The following NT5DC3 variants were observed in gnomAD, a reference collection of about 807,000 sequenced individuals.
NT5DC3 encodes the protein 5'-nucleotidase domain containing 3.
A neutral mutation model predicts 67.8 loss-of-function variants in NT5DC3; 42 were observed. That is an observed-to-expected ratio of 0.62 (90% CI 0.48 to 0.80). The LOEUF (loss-of-function observed/expected upper bound fraction) is 0.80. Ranked by LOEUF, NT5DC3 falls within the 30% of genes least tolerant of loss-of-function variation. The probability of loss-of-function intolerance (pLI) is 0.00; values close to 1 mark genes in which losing one functional copy is unlikely to be tolerated. For synonymous variants in NT5DC3, 237 were observed against 255.6 expected, an observed-to-expected ratio of 0.93 and a Z score of 0.69; for missense variants, 570 against 696.4, an observed-to-expected ratio of 0.82 and a Z score of 2.04.
intron 1 of NT5DC3, among the ~76,000 whole-genome samples, chr12:103,840,703 T>C (rs961420444): frequency 1.3e-5 from 2 of 151,888 alleles, no homozygotes; most frequent in African/African-American, 2.4e-5. Context: ...CAAGAATATA[T>C]ACAACAGCTT....
At chr12:103,750,446 A>G in the NT5DC3 span, 20 of 1,101,204 alleles carry the variant, frequency 1.8e-5, no homozygotes, top group Non-Finnish European at 2.6e-5. Flanking sequence ...AGTTATTCCC[A>G]CTGGACAGGA....
intron 4 of NT5DC3, among the ~76,000 whole-genome samples, chr12:103,800,812 C>T (rs575128959): frequency 3.3e-5 from 5 of 152,350 alleles, no homozygotes; most frequent in Non-Finnish European, 7.3e-5. Context: ...CCAATTCCCG[C>T]TCCCTTCATC....
At chr12:103,832,017 T>A (rs1313393937) in intron 1 of NT5DC3, among the ~76,000 whole-genome samples, 1 of 151,984 alleles carries the variant, frequency 6.6e-6, no homozygotes, top group African/African-American at 2.4e-5. Flanking sequence ...CCCCAAGTGA[T>A]CTGCCCACCT....
At chr12:103,829,944 C>T (rs1313700206) in intron 1 of NT5DC3, among the ~76,000 whole-genome samples, 5 of 151,684 alleles carry the variant, frequency 3.3e-5, no homozygotes, top group South Asian at 4.1e-4. Flanking sequence ...ATATACAATT[C>T]TAAATTGACA....
intron 1 of NT5DC3, among the ~76,000 whole-genome samples, chr12:103,828,959 C>A (rs548255089): frequency 5.7e-4 from 87 of 152,248 alleles, no homozygotes; most frequent in African/African-American, 2.1e-3. Flanking sequence ...TTGGCCTTCC[C>A]AAGTGCTGGG....
the NT5DC3 span, chr12:103,749,238 C>A: frequency 7.1e-7 from 1 of 1,403,150 alleles, no homozygotes; most frequent in Non-Finnish European, 9.6e-7. Flanking sequence ...CCATACTCTG[C>A]TTATCTCCTG....
chr12:103,788,768 A>G (rs1885905658), intron 10 of NT5DC3, 70 bp downstream of exon 10: 1 of 967,410 alleles, frequency 1.0e-6, no homozygotes, highest in African/African-American at 1.6e-5. Context: ...GCCACAATGA[A>G]CATCAGCTAT....
At chr12:103,837,488 T>G (rs2139493198) in intron 1 of NT5DC3, among the ~76,000 whole-genome samples, 1 of 152,372 alleles carries the variant, frequency 6.6e-6, no homozygotes, top group African/African-American at 2.4e-5. Context: ...TTTTCGGAGC[T>G]TTTATGCTCT....
intron 6 of NT5DC3, among the ~76,000 whole-genome samples, chr12:103,795,602 C>G (rs1201158386): frequency 6.6e-6 from 1 of 152,116 alleles, no homozygotes; most frequent in East Asian, 1.9e-4. Context: ...GCTGCCAAAA[C>G]TTACATTTAC....
the NT5DC3 span, among the ~76,000 whole-genome samples, chr12:103,747,569 TA>T: frequency 0.57 from 87,168 of 151,948 alleles, 25,344 homozygotes; most frequent in East Asian, 0.74. Context: ...TAGGAATTGT[TA>T]AAAATCACAT....
At chr12:103,749,108 C>T in the NT5DC3 span, 1 of 1,612,000 alleles carries the variant, frequency 6.2e-7, no homozygotes. Context: ...GTGCAGACGG[C>T]CTTAACGGAG....
At chr12:103,809,363 C>T (rs748435202) in intron 2 of NT5DC3, among the ~76,000 whole-genome samples, 6 of 152,336 alleles carry the variant, frequency 3.9e-5, no homozygotes, top group Middle Eastern at 3.4e-3. Context: ...ACTCACATTC[C>T]GCTTGCCTCT....
chr12:103,812,946 T>C (rs74601248), intron 2 of NT5DC3, among the ~76,000 whole-genome samples: 2 of 152,318 alleles, frequency 1.3e-5, no homozygotes, highest in East Asian at 3.9e-4. Context: ...CTACGCCCAT[T>C]TTACAGGGGA....
chr12:103,769,599 G>A (rs1187206520), downstream of NT5DC3, among the ~76,000 whole-genome samples: 1 of 152,218 alleles, frequency 6.6e-6, no homozygotes, highest in African/African-American at 2.4e-5. Flanking sequence ...CCCTCTCATG[G>A]TCCAGGCTCC....
At chr12:103,748,015 G>T in the NT5DC3 span, among the ~76,000 whole-genome samples, 1 of 144,970 alleles carries the variant, frequency 6.9e-6, no homozygotes, top group Non-Finnish European at 1.5e-5. Context: ...AAAAAAAAAA[G>T]GGAAGAAGAA....
At chr12:103,833,834 C>T (rs1009580855) in intron 1 of NT5DC3, among the ~76,000 whole-genome samples, 9 of 152,124 alleles carry the variant, frequency 5.9e-5, no homozygotes, top group African/African-American at 2.2e-4. Flanking sequence ...ATCTGATGAG[C>T]ACACCTGGAA....
rs962660437 is a variant in NT5DC3, at chr12:103,779,768, T to C, written c.1394+532A>G. Among the ~76,000 whole-genome samples the C allele has an allele frequency of 7.9e-5, 12 of 152,316 alleles. 1 individual carries two copies. The highest frequency in any genetic ancestry group is 3.9e-4 in the East Asian group (2 of 5,188). On this transcript the variant is annotated intron_variant, in intron 13 of 13. Transcript: ENST00000392876. ...CCTTCTAGGGAAGCATGATTGTCAG[T>C]ATGGGTTCCCTTAAGACAGACACCC...
the NT5DC3 span, chr12:103,746,511 C>T: frequency 7.8e-7 from 1 of 1,279,226 alleles, no homozygotes; most frequent in East Asian, 2.3e-5. Flanking sequence ...AGTGGTCGTC[C>T]AGAGAGAGTC....
At chr12:103,818,091 T>C (rs1004102813) in intron 1 of NT5DC3, among the ~76,000 whole-genome samples, 1 of 152,226 alleles carries the variant, frequency 6.6e-6, no homozygotes, top group East Asian at 1.9e-4. Context: ...TCTCCATGCA[T>C]GTGCAGATTT....
Sources: gnomAD v4.1 joint callset for allele counts (sites outside exome capture counted in the v4.1 genomes callset) on GRCh38, gnomAD v4.1.1 for gene constraint, MANE v1.5 for transcripts, NCBI Gene and HGNC (gene_info 2026-07-23, HGNC 2026-07-21) for gene names.